The following TRIM65 variants were observed in gnomAD, a reference collection of about 807,000 sequenced individuals.
TRIM65 encodes the protein tripartite motif containing 65, also known as E3 ubiquitin-protein ligase TRIM65.
A neutral mutation model predicts 36.1 loss-of-function variants in TRIM65; 46 were observed. The ratio of observed to expected loss-of-function variants is 1.27; its 90% confidence interval spans 1.01 to 1.63. TRIM65 has a LOEUF of 1.63. Ranked by LOEUF, TRIM65 falls within the 40% of genes most tolerant of loss-of-function variation. TRIM65 has a pLI of 0.00. For missense variants in TRIM65, 708 were observed against 696.6 expected, an observed-to-expected ratio of 1.02 and a Z score of -0.18; for synonymous variants, 346 against 313.6, an observed-to-expected ratio of 1.10 and a Z score of -1.09.
intron 4 of TRIM65, among the ~76,000 whole-genome samples, chr17:75,882,700 C>T (rs139721146): frequency 4.6e-5 from 7 of 150,582 alleles, no homozygotes; most frequent in South Asian, 4.1e-4. Flanking sequence ...ACTGGAATTC[C>T]GATAGGTACC....
downstream of TRIM65, among the ~76,000 whole-genome samples, chr17:75,879,986 T>C (rs1304088742): frequency 6.6e-6 from 1 of 150,736 alleles, no homozygotes; most frequent in Non-Finnish European, 1.5e-5. Flanking sequence ...ACTGCTGACT[T>C]CAGGTGATCC....
chr17:75,895,958 G>C (rs570620627), intron 1 of TRIM65, among the ~76,000 whole-genome samples: 2 of 152,356 alleles, frequency 1.3e-5, no homozygotes, highest in African/African-American at 4.8e-5. Flanking sequence ...CTCACGCCCA[G>C]GCTTTGTTCA....
downstream of TRIM65, among the ~76,000 whole-genome samples, chr17:75,888,296 T>C (rs1229199231): frequency 6.7e-6 from 1 of 150,348 alleles, no homozygotes; most frequent in Non-Finnish European, 1.5e-5. Context: ...GAGCTTGCAG[T>C]GAGCTGAGAT....
At chr17:75,881,663 C>T (rs1470034660) in intron 4 of TRIM65, among the ~76,000 whole-genome samples, 1 of 150,656 alleles carries the variant, frequency 6.6e-6, no homozygotes, top group East Asian at 1.9e-4. Flanking sequence ...TGAGGGTACA[C>T]ACACATTCAG....
chr17:75,891,775 C>T (rs1243660642), intron 5 of TRIM65, 38 bp downstream of exon 5: 5 of 1,588,334 alleles, frequency 3.1e-6, no homozygotes, highest in Non-Finnish European at 4.3e-6. Context: ...CTTGCACACG[C>T]ACACACAGGG....
In TRIM65 at chr17:75,883,754, C is replaced by G. The variant is rs541575837; in HGVS notation, c.350-3125G>C. ...GTGTTAGCCAGCATGGTCTTGATCT[C>G]CTGACCTTGTGATCCACCCGCCTCG... On this transcript the variant is annotated intron_variant, in intron 4 of 4. Transcript: ENST00000591668. Among the ~76,000 whole-genome samples the G allele has an allele frequency of 6.0e-3, 907 of 151,890 alleles. 3 individuals carry two copies. The highest frequency in any genetic ancestry group is 9.4e-3 in the Non-Finnish European group (640 of 67,946).
chr17:75,879,598 C>G (rs914558673), downstream of TRIM65: 8 of 150,758 alleles, frequency 5.3e-5, 1 homozygote, highest in African/African-American at 1.7e-4. Context: ...AGTTAAAACA[C>G]TACACCAGAA....
At chr17:75,886,102 A>G (rs2065204760), downstream of TRIM65, among the ~76,000 whole-genome samples, 1 of 152,120 alleles carries the variant, frequency 6.6e-6, no homozygotes, top group Admixed American at 6.6e-5. Flanking sequence ...TGGTTTCATA[A>G]AGGGCAGTTC....
chr17:75,895,639 C>A (rs904303235), intron 1 of TRIM65, among the ~76,000 whole-genome samples: 3 of 152,224 alleles, frequency 2.0e-5, no homozygotes, highest in African/African-American at 7.2e-5. Flanking sequence ...CCTCACATGC[C>A]AGCCTGAAGG....
rs1460174292 is a variant in TRIM65, at chr17:75,890,876, G to T, written c.1457C>A (p.Thr486Asn). ...ACCCTCGAGGAGCCAGAAGACGGGG[G>T]TGAGGGGCTGGTTGAAGAGGGCATG... ...TFHALFNQPL[T>N]PVFWLLEGRT... The change falls in exon 6 of 6, where the codon ACC becomes AAC. Residue 486 changes from threonine to asparagine, a missense_variant. By Grantham distance (65) the Thr-to-Asn change is moderately conservative. Transcript: ENST00000269383. The T allele has an allele frequency of 1.3e-6, 2 of 1,532,102 alleles. No homozygotes were observed. Among genetic ancestry groups the T allele is most frequent in the Admixed American group, 2.4e-5 (1 of 42,054 alleles). 94.9% of individuals were successfully genotyped at this position (1,532,102 alleles called of 1,614,324 possible).
chr17:75,896,149 G>A (rs1375384665), intron 1 of TRIM65, among the ~76,000 whole-genome samples: 2 of 152,180 alleles, frequency 1.3e-5, no homozygotes, highest in Non-Finnish European at 2.9e-5. Context: ...TCCACTTCCC[G>A]GGTTCACGCC....
Position 75,892,189 on chromosome 17 carries a change from A to C in TRIM65, c.745-4T>G, listed in dbSNP as rs1439638050. The stretch of plus-strand genomic sequence containing the variant: ...GGGGCTGGAGGAGCTGCGATTCCTG[A>C]GCCCCAGGGAGAACAAGTAAGCCTG... On this transcript the variant is annotated splice_polypyrimidine_tract_variant and splice_region_variant and intron_variant, in intron 3 of 5. Coordinates refer to ENST00000269383, the MANE Select transcript of TRIM65 (RefSeq NM_173547.4). 6.4e-7 allele frequency: 1 copy of C among 1,573,276 alleles called. No homozygotes were observed. Among genetic ancestry groups the C allele is most frequent in the Non-Finnish European group, 8.6e-7 (1 of 1,159,134 alleles).
At position 75,892,340 on chromosome 17, in the gene TRIM65, A is replaced by G. The variant is rs1259308571; in HGVS notation, c.671T>C (p.Leu224Ser). Residue 224 changes from leucine to serine, a missense_variant, in exon 3 of 6, where the codon TTG becomes TCG. Coordinates refer to ENST00000269383, the MANE Select transcript of TRIM65 (RefSeq NM_173547.4). ...GCAGCCATGGCGAGCCACAGCCTCC[A>G]AATGGACCCGCAGCCGCTGCTCCTC... is the stretch of plus-strand genomic sequence containing the variant. ...RDEEQRLRVH[L>S]EAVARHGCRI... The G allele has an allele frequency of 6.2e-7, 1 of 1,613,154 alleles. No individual in the cohort carries two copies. The highest frequency in any genetic ancestry group is 2.2e-5 in the East Asian group (1 of 44,880).
chr17:75,887,111 C>G (rs992500754), downstream of TRIM65, among the ~76,000 whole-genome samples: 1 of 145,432 alleles, frequency 6.9e-6, no homozygotes. Flanking sequence ...TTGCATCCTG[C>G]CCTTGCACTC....
Position 75,890,893 on chromosome 17 carries a change from GA to G in TRIM65, c.1439del (p.Leu480ProfsTer18). On this transcript the variant is annotated frameshift_variant, in exon 6 of 6. Transcript: ENST00000269383. LOFTEE classifies it high-confidence loss of function. ...AGACGGGGGTGAGGGGCTGGTTGAA[GA>G]GGGCATGGAAGGTGTACAGGGGCTG... ...QTQPLYTFHA[L>X]FNQPLTPVFW... 6.5e-7 allele frequency: 1 copy of G among 1,534,058 alleles called. No homozygotes were observed. Among genetic ancestry groups the G allele is most frequent in the Non-Finnish European group, 8.7e-7 (1 of 1,143,690 alleles).
chr17:75,881,970 C>T (rs780671837), intron 4 of TRIM65, among the ~76,000 whole-genome samples: 12 of 150,270 alleles, frequency 8.0e-5, no homozygotes, highest in Non-Finnish European at 1.6e-4. Flanking sequence ...GCCCCAGGAG[C>T]GGTTGGGAGG....
Position 75,896,394 on chromosome 17 carries a change from G to T in TRIM65, c.414+130C>A, listed in dbSNP as rs2065346694. On this transcript the variant is annotated intron_variant, in intron 1 of 5. Transcript: ENST00000269383. ...ATAATCAGCTCCCAGGTTGGGAGAAGCCCCTTACAGATGAGGCTCCCCGCC... is the reference window on the plus strand; with the variant it reads ...ATAATCAGCTCCCAGGTTGGGAGAATCCCCTTACAGATGAGGCTCCCCGCC... The T allele has an allele frequency of 3.3e-6, 4 of 1,207,460 alleles. No individual in the cohort carries two copies. The Admixed American group carries it at 1.3e-4, about 40-fold the overall frequency. The allele number at this position is 1,207,460 out of a possible 1,614,324, so 74.8% of individuals were successfully genotyped here.
At chr17:75,886,348 C>G (rs2065206814), downstream of TRIM65, among the ~76,000 whole-genome samples, 1 of 151,924 alleles carries the variant, frequency 6.6e-6, no homozygotes, top group Non-Finnish European at 1.5e-5. Context: ...TGGTGAAACC[C>G]CGTCTCTACT....
intron 1 of TRIM65, among the ~76,000 whole-genome samples, chr17:75,894,254 C>A (rs1465581360): frequency 6.6e-6 from 1 of 152,148 alleles, no homozygotes; most frequent in Non-Finnish European, 1.5e-5. Context: ...CTGTCCCATC[C>A]AGCGTCCCTG....
Sources: allele counts gnomAD v4.1 joint callset (sites outside exome capture counted in the v4.1 genomes callset), GRCh38; gene constraint gnomAD v4.1.1; transcripts MANE v1.5; gene names NCBI Gene and HGNC (gene_info 2026-07-23, HGNC 2026-07-21).